PLEKHG4B: variants seen among roughly 807,000 people sequenced by gnomAD.
The protein encoded by PLEKHG4B is pleckstrin homology and RhoGEF domain containing G4B.
Under a neutral mutation model 121.3 loss-of-function variants are expected in PLEKHG4B, and 111 were observed. That is an observed-to-expected ratio of 0.92 (90% CI 0.78 to 1.07). The LOEUF (loss-of-function observed/expected upper bound fraction) is 1.07, where lower values mean the gene tolerates loss of function less well. Among genes scored for constraint, PLEKHG4B ranks in the 50% least tolerant of loss-of-function variants. PLEKHG4B has a pLI of 0.00. For missense variants in PLEKHG4B, 1,831 were observed against 1,757.8 expected, an observed-to-expected ratio of 1.04 and a Z score of -0.74; for synonymous variants, 738 against 725.0, an observed-to-expected ratio of 1.02 and a Z score of -0.29.
In PLEKHG4B at chr5:164,998, G is replaced by A. The variant is rs1364546599; in HGVS notation, c.3476+1450G>A. ...GCGGAGCTCACACTAATGCTCTGAC[G>A]GGGCAGGGCTCACAGTAATGCTCTG... On this transcript the variant is annotated intron_variant, in intron 13 of 19. Coordinates refer to ENST00000637938, the MANE Select transcript of PLEKHG4B (RefSeq NM_052909.5). Among the ~76,000 whole-genome samples the A allele has an allele frequency of 6.1e-5, 4 of 66,022 alleles. 1 individual carries two copies. The highest frequency in any genetic ancestry group is 5.0e-4 in the Admixed American group (4 of 7,952). 43.3% of individuals were successfully genotyped at this position (66,022 alleles called of 152,430 possible).
At chr5:95,318 C>A (rs1279233228) in intron 1 of PLEKHG4B, among the ~76,000 whole-genome samples, 1 of 152,016 alleles carries the variant, frequency 6.6e-6, no homozygotes, top group East Asian at 1.9e-4. Context: ...CTGCCCACAT[C>A]CACCCTGTGC....
At chr5:99,158 A>G (rs1432400205) in intron 1 of PLEKHG4B, among the ~76,000 whole-genome samples, 1 of 119,860 alleles carries the variant, frequency 8.3e-6, no homozygotes, top group Non-Finnish European at 1.7e-5. Context: ...TCTGTCTCAA[A>G]AAAAAAAAAG....
chr5:143,007 A>G (rs1735274476), intron 3 of PLEKHG4B, 40 bp from the exon 4 acceptor site: 1 of 1,586,140 alleles, frequency 6.3e-7, no homozygotes, highest in Admixed American at 1.7e-5. Flanking sequence ...AACGCGCAGG[A>G]AAACCTTCAT....
In PLEKHG4B at chr5:159,585, A is replaced by G. The variant is rs980526745; in HGVS notation, c.2488-2198A>G. ...ATTTTCTGAACAGTCCCCTCTCCAT[A>G]CTAATCATGATGAGTCTGCACAGTC... On this transcript the variant is annotated intron_variant, in intron 11 of 19. Transcript: ENST00000637938. The surrounding 1 kb of genome is among the most constrained non-coding windows in gnomAD (Gnocchi z 5.5). Among the ~76,000 whole-genome samples the G allele has an allele frequency of 2.0e-5, 3 of 151,966 alleles. No homozygotes were observed. Among genetic ancestry groups the G allele is most frequent in the South Asian group, 2.1e-4 (1 of 4,820 alleles).
At chr5:105,562 T>C (rs1351701647) in intron 1 of PLEKHG4B, among the ~76,000 whole-genome samples, 1 of 152,244 alleles carries the variant, frequency 6.6e-6, no homozygotes, top group Non-Finnish European at 1.5e-5. Flanking sequence ...CCAGGTGTAC[T>C]GTTTAAAACA....
At chr5:165,981 G>A (rs1579316658) in intron 13 of PLEKHG4B, among the ~76,000 whole-genome samples, 1 of 6,130 alleles carries the variant, frequency 1.6e-4, no homozygotes. Context: ...CTCTGACGGG[G>A]CGGGGCTCAC....
At chr5:162,700 C>T in intron 12 of PLEKHG4B, 22 bp from the exon 13 acceptor site, 1 of 1,436,848 alleles carries the variant, frequency 7.0e-7, no homozygotes, top group Non-Finnish European at 9.2e-7. Context: ...CTGCACTGAG[C>T]AGAGCCCTCC....
At chr5:125,776 G>T (rs999916431) in intron 2 of PLEKHG4B, among the ~76,000 whole-genome samples, 6 of 152,160 alleles carry the variant, frequency 3.9e-5, no homozygotes, top group Non-Finnish European at 8.8e-5. Flanking sequence ...CGTTGTTTCT[G>T]CAGGGTGGGT....
intron 2 of PLEKHG4B, among the ~76,000 whole-genome samples, chr5:135,478 A>G (rs556466554): frequency 6.7e-6 from 1 of 149,644 alleles, no homozygotes; most frequent in South Asian, 2.1e-4. Context: ...ATCCTGGCTA[A>G]CACAGTGAAA....
chr5:94,749 A>G (rs1733581788), intron 1 of PLEKHG4B, among the ~76,000 whole-genome samples: 1 of 152,002 alleles, frequency 6.6e-6, no homozygotes, highest in Non-Finnish European at 1.5e-5. Flanking sequence ...AACAGGCTCC[A>G]GACCCCGATC....
At chr5:134,097 ATATATATATATATATATATATATATG>A (rs1279156041) in intron 2 of PLEKHG4B, among the ~76,000 whole-genome samples, 3 of 124,426 alleles carry the variant, frequency 2.4e-5, no homozygotes, top group African/African-American at 9.0e-5. Flanking sequence ...ATATATATAT[ATATATATATATATATATATATATATG>A]TGATGGAATA....
intron 2 of PLEKHG4B, among the ~76,000 whole-genome samples, chr5:125,333 G>A (rs2126373882): frequency 6.6e-6 from 1 of 152,036 alleles, no homozygotes; most frequent in South Asian, 2.1e-4. Flanking sequence ...TTCTTTCCTT[G>A]TTTCCTTTTG....
chr5:122,155 CAA>C (rs917855589), intron 2 of PLEKHG4B, among the ~76,000 whole-genome samples: 1 of 151,508 alleles, frequency 6.6e-6, no homozygotes, highest in Non-Finnish European at 1.5e-5. Flanking sequence ...AAAAATAACA[CAA>C]AGAGATACAA....
Position 170,854 on chromosome 5 carries a change from G to A in PLEKHG4B, c.3730-189G>A, listed in dbSNP as rs546589525. Among the ~76,000 whole-genome samples the A allele has an allele frequency of 8.5e-5, 13 of 152,274 alleles. No homozygotes were observed. In the East Asian group the frequency reaches 2.1e-3, roughly 25 times the overall value. Reference sequence around the variant, plus strand: ...AGCTGGTAAACTGGTCACCCCTGGAGCCCTGGTGTTGGGGATACTCTGATA... The same window carrying A: ...AGCTGGTAAACTGGTCACCCCTGGAACCCTGGTGTTGGGGATACTCTGATA... On this transcript the variant is annotated intron_variant, in intron 14 of 19. Transcript: ENST00000637938.
chr5:169,117 AC>A, intron 13 of PLEKHG4B: 1 of 570,896 alleles, frequency 1.8e-6, no homozygotes, highest in Non-Finnish European at 3.1e-6. Context: ...CTCGTGATCT[AC>A]CCGCCTCAGC....
chr5:169,170 G>A, intron 13 of PLEKHG4B, 170 bp from the exon 14 acceptor site: 1 of 870,350 alleles, frequency 1.1e-6, no homozygotes, highest in Non-Finnish European at 1.7e-6. Flanking sequence ...CCCCACGCCT[G>A]GCCGGAAGCT....
At position 113,350 on chromosome 5, in the gene PLEKHG4B, G is replaced by C. The variant is rs563148098; in HGVS notation, c.145G>C (p.Val49Leu). 5.0e-6 allele frequency: 2 copies of C among 399,032 alleles called. No homozygotes were observed. The highest frequency in any genetic ancestry group is 2.1e-5 in the African/African-American group (1 of 48,634). 24.7% of individuals were successfully genotyped at this position (399,032 alleles called of 1,614,324 possible). Reference sequence around the variant, plus strand: ...CACGGTGCTCTGGCAGCTGTTCAGCGTGGCCGAGAGGTGCCACGGTGGGGA... The same window carrying C: ...CACGGTGCTCTGGCAGCTGTTCAGCCTGGCCGAGAGGTGCCACGGTGGGGA... ...AATVLWQLFS[V>L]AERCHGGDGL... is the part of the protein sequence containing the mutation. The change falls in exon 2 of 20, where the codon GTG (valine) becomes CTG (leucine). Residue 49 changes from valine (V) to leucine (L), a missense_variant. Coordinates refer to ENST00000637938, the MANE Select transcript of PLEKHG4B (RefSeq NM_052909.5). This position sits in a 1 kb window ranked among gnomAD's most constrained non-coding sequence, Gnocchi z 5.2.
chr5:92,899 A>G (rs1052919815), intron 1 of PLEKHG4B, among the ~76,000 whole-genome samples: 6 of 152,336 alleles, frequency 3.9e-5, no homozygotes, highest in African/African-American at 1.4e-4. Flanking sequence ...GATTTGAGTA[A>G]GAAACATTTG....
chr5:166,499 AAT>A, intron 13 of PLEKHG4B, among the ~76,000 whole-genome samples: 1 of 78,302 alleles, frequency 1.3e-5, no homozygotes, highest in Non-Finnish European at 2.9e-5. Context: ...GGCTCACAGT[AAT>A]CTTCTGACGG....
Sources: gnomAD v4.1 joint callset for allele counts (sites outside exome capture counted in the v4.1 genomes callset) on GRCh38, gnomAD v4.1.1 for gene constraint, Gnocchi (gnomAD v3.1) non-coding constraint, MANE v1.5 for transcripts, NCBI Gene and HGNC (gene_info 2026-07-23, HGNC 2026-07-21) for gene names.